The following GPC5 variants were observed in gnomAD, a reference collection of about 807,000 sequenced individuals.
GPC5 encodes glypican-5.
GPC5 carries 47 observed loss-of-function variants against 53.9 expected under a neutral mutation model. That is an observed-to-expected ratio of 0.87 (90% CI 0.69 to 1.11). GPC5 has a LOEUF of 1.11. Among genes scored for constraint, GPC5 ranks in the 50% most tolerant of loss-of-function variants. The pLI, the probability that GPC5 is intolerant of heterozygous loss-of-function variation, is 0.00. For missense variants in GPC5, 748 were observed against 713.1 expected (o/e 1.05, Z -0.56); for synonymous variants, 286 against 263.3 (o/e 1.09, Z -0.84).
At chr13:92,392,633 A>G (rs1356759642) in intron 7 of GPC5, among the ~76,000 whole-genome samples, 1 of 152,174 alleles carries the variant, frequency 6.6e-6, no homozygotes, top group African/African-American at 2.4e-5. Flanking sequence ...AGAATAGGAG[A>G]AAATATTTGC....
At chr13:92,090,178 G>C (rs914390306) in intron 6 of GPC5, among the ~76,000 whole-genome samples, 3 of 152,090 alleles carry the variant, frequency 2.0e-5, no homozygotes, top group Non-Finnish European at 4.4e-5. Context: ...TCAGTTTCTT[G>C]TTGTTTTATC....
At chr13:91,897,207 G>A (rs2039451282) in intron 5 of GPC5, among the ~76,000 whole-genome samples, 2 of 151,990 alleles carry the variant, frequency 1.3e-5, no homozygotes, top group Non-Finnish European at 2.9e-5. Flanking sequence ...TTTTAAAATA[G>A]TAATTACTAC....
At chr13:92,074,268 G>C (rs2041235734) in intron 6 of GPC5, among the ~76,000 whole-genome samples, 1 of 152,196 alleles carries the variant, frequency 6.6e-6, no homozygotes, top group African/African-American at 2.4e-5. Context: ...AGGAAGAGAA[G>C]TGAAAGTTGG....
chr13:91,446,366 G>A (rs1263811235), intron 1 of GPC5, among the ~76,000 whole-genome samples: 1 of 152,108 alleles, frequency 6.6e-6, no homozygotes, highest in Non-Finnish European at 1.5e-5. Flanking sequence ...CTTCATTGAG[G>A]CACATTACTG....
chr13:91,524,790 G>A lies in GPC5; in HGVS notation c.325+75868G>A, dbSNP rs989646409. Among the ~76,000 whole-genome samples, 14 of 152,284 alleles carry A rather than the reference G, an allele frequency of 9.2e-5. No homozygotes were observed. In the Middle Eastern group the frequency reaches 0.014, roughly 148 times the overall value. On this transcript the variant is annotated intron_variant, in intron 2 of 7. Transcript: ENST00000377067. ...CCCTTTCCCAAGGCATTTGCTCTCCGTGGTATCCTGTACTTTGTAAGAATG... is the reference window on the plus strand; with the variant it reads ...CCCTTTCCCAAGGCATTTGCTCTCCATGGTATCCTGTACTTTGTAAGAATG...
chr13:91,936,975 A>G (rs989764978), intron 6 of GPC5, among the ~76,000 whole-genome samples: 1 of 152,146 alleles, frequency 6.6e-6, no homozygotes, highest in African/African-American at 2.4e-5. Context: ...GGCTTATCTC[A>G]TATGCACAGT....
intron 7 of GPC5, among the ~76,000 whole-genome samples, chr13:92,481,033 G>A (rs1879332783): frequency 6.6e-6 from 1 of 152,112 alleles, no homozygotes; most frequent in Non-Finnish European, 1.5e-5. Context: ...TCCAGACAAT[G>A]TCACTCAGTG....
intron 2 of GPC5, among the ~76,000 whole-genome samples, chr13:91,677,383 A>C (rs1188217203): frequency 6.6e-6 from 1 of 152,180 alleles, no homozygotes; most frequent in Admixed American, 6.5e-5. Flanking sequence ...TTTTAACTCC[A>C]GTTTTATGGA....
At chr13:92,547,896 C>T (rs142773794) in intron 7 of GPC5, among the ~76,000 whole-genome samples, 24,640 of 137,740 alleles carry the variant, frequency 0.18, 2,090 homozygotes, top group South Asian at 0.23. Context: ...GTGGCGCGAT[C>T]TCGGCTCACT....
chr13:91,513,354 TTGTGTG>T (rs139449591), intron 2 of GPC5, among the ~76,000 whole-genome samples: 21 of 149,572 alleles, frequency 1.4e-4, no homozygotes, highest in South Asian at 6.3e-4. Context: ...TTGTTTTCAT[TTGTGTG>T]TGTGTGTGTG....
At chr13:92,697,408 C>A (rs1445543747) in intron 7 of GPC5, among the ~76,000 whole-genome samples, 2 of 152,046 alleles carry the variant, frequency 1.3e-5, no homozygotes, top group Non-Finnish European at 2.9e-5. Flanking sequence ...TGAAGAGGTA[C>A]TTCACAACCC....
chr13:92,649,627 T>C (rs966988967), intron 7 of GPC5, among the ~76,000 whole-genome samples: 1 of 152,070 alleles, frequency 6.6e-6, no homozygotes, highest in Non-Finnish European at 1.5e-5. Flanking sequence ...AACTTTTTAC[T>C]AGAGAAAAAA....
chr13:92,469,091 G>C (rs1374964025), intron 7 of GPC5, among the ~76,000 whole-genome samples: 1 of 152,100 alleles, frequency 6.6e-6, no homozygotes, highest in African/African-American at 2.4e-5. Flanking sequence ...CATAGGACAG[G>C]TCAAGATACA....
At chr13:92,475,716 C>A (rs1026496911) in intron 7 of GPC5, among the ~76,000 whole-genome samples, 1 of 152,034 alleles carries the variant, frequency 6.6e-6, no homozygotes, top group African/African-American at 2.4e-5. Flanking sequence ...AGAACAGAGC[C>A]CTCAGAAATA....
At chr13:91,402,243 T>G (rs950977273) in intron 1 of GPC5, among the ~76,000 whole-genome samples, 1 of 152,334 alleles carries the variant, frequency 6.6e-6, no homozygotes. Context: ...GCAAGTATAC[T>G]CTCGATATCA....
At chr13:91,536,978 T>C (rs557258806) in intron 2 of GPC5, among the ~76,000 whole-genome samples, 74 of 152,230 alleles carry the variant, frequency 4.9e-4, no homozygotes, top group African/African-American at 1.7e-3. Context: ...CACAAGGGAA[T>C]TTAGAAAATA....
chr13:92,394,186 T>A lies in GPC5; in HGVS notation c.1561+249197T>A, dbSNP rs546356929. Among the ~76,000 whole-genome samples, 94 of 152,266 alleles carry A rather than the reference T, an allele frequency of 6.2e-4. 3 individuals carry two copies. The highest frequency in any genetic ancestry group is 1.2e-4 in the Non-Finnish European group (8 of 68,018). On this transcript the variant is annotated intron_variant, in intron 7 of 7. Coordinates refer to ENST00000377067, the MANE Select transcript of GPC5 (RefSeq NM_004466.6). ...CTCCAAAGATTCAATCATCTAAGGG[T>A]GTATAGTATATTATTATACTTATCT...
At chr13:92,142,369 G>A (rs2138980408) in intron 6 of GPC5, among the ~76,000 whole-genome samples, 1 of 152,176 alleles carries the variant, frequency 6.6e-6, no homozygotes, top group South Asian at 2.1e-4. Flanking sequence ...GGGTTAAGGT[G>A]GAAAATCTTG....
At position 92,085,569 on chromosome 13, in the gene GPC5, T is replaced by C. The variant is rs9560917; in HGVS notation, c.1402-59261T>C. ...GTGGTGGGGATGGTTTCAGAATGAT[T>C]TGAGCCCCTTACATTTATTGTGCAC... On this transcript the variant is annotated intron_variant, in intron 6 of 7. Transcript: ENST00000377067. Among the ~76,000 whole-genome samples the C allele has an allele frequency of 4.9e-4, 75 of 152,278 alleles. No individual in the cohort carries two copies. The East Asian group carries it at 0.013, about 27-fold the overall frequency.
Sources: allele counts gnomAD v4.1 joint callset (sites outside exome capture counted in the v4.1 genomes callset), GRCh38; gene constraint gnomAD v4.1.1; transcripts MANE v1.5; gene names NCBI Gene and HGNC (gene_info 2026-07-23, HGNC 2026-07-21).